SNX25: variants seen among roughly 807,000 people sequenced by gnomAD.
The protein encoded by SNX25 is sorting nexin 25.
SNX25 carries 62 observed loss-of-function variants against 113.7 expected under a neutral mutation model. The ratio of observed to expected loss-of-function variants is 0.55; its 90% CI spans 0.44 to 0.67. SNX25 has a LOEUF of 0.67. SNX25 is among the 30% of genes least tolerant of loss of function. SNX25 has a pLI of 0.00. For synonymous variants in SNX25, 421 were observed against 436.2 expected, an observed-to-expected ratio of 0.97 and a Z score of 0.43; for missense variants, 1,014 against 1,161.0, an observed-to-expected ratio of 0.87 and a Z score of 1.84.
At chr4:185,234,239 A>G (rs574318360) in intron 1 of SNX25, among the ~76,000 whole-genome samples, 4 of 152,228 alleles carry the variant, frequency 2.6e-5, no homozygotes, top group African/African-American at 7.2e-5. Context: ...GTTAATACTT[A>G]TTTTTCTTTT....
downstream of SNX25, chr4:185,374,403 T>C (rs1030211514): frequency 2.5e-6 from 4 of 1,614,054 alleles, no homozygotes; most frequent in Non-Finnish European, 3.4e-6. Flanking sequence ...AAATTTTAAG[T>C]GTCTTGCTTT....
downstream of SNX25, among the ~76,000 whole-genome samples, chr4:185,374,941 T>C (rs1474015413): frequency 6.6e-6 from 1 of 152,076 alleles, no homozygotes; most frequent in Non-Finnish European, 1.5e-5. Flanking sequence ...TTGTATCTAA[T>C]ATACAAATCT....
chr4:185,241,279 C>T (rs557621088), intron 1 of SNX25, among the ~76,000 whole-genome samples: 104 of 152,260 alleles, frequency 6.8e-4, no homozygotes, highest in African/African-American at 2.5e-3. Context: ...AGCTGGAGAC[C>T]AGCCCGGCCA....
chr4:185,239,956 G>T (rs1394181881), intron 1 of SNX25, among the ~76,000 whole-genome samples: 16 of 149,844 alleles, frequency 1.1e-4, no homozygotes, highest in Non-Finnish European at 1.9e-4. Flanking sequence ...AGATTAGGGA[G>T]TGGTGATGAC....
intron 4 of SNX25, among the ~76,000 whole-genome samples, chr4:185,265,561 C>T (rs1747948138): frequency 8.0e-6 from 1 of 124,416 alleles, no homozygotes; most frequent in African/African-American, 2.8e-5. Flanking sequence ...AGGCCTAGGA[C>T]ATGACTGTGC....
At chr4:185,238,771 C>G (rs3112913) in intron 1 of SNX25, among the ~76,000 whole-genome samples, 32,916 of 152,068 alleles carry the variant, frequency 0.22, 4,166 homozygotes, top group African/African-American at 0.35. Flanking sequence ...CAAAATAGCA[C>G]CAAAAATACA....
At chr4:185,278,377 T>G (rs1750058139) in intron 5 of SNX25, among the ~76,000 whole-genome samples, 1 of 152,262 alleles carries the variant, frequency 6.6e-6, no homozygotes, top group African/African-American at 2.4e-5. Context: ...TTGCTTTGCT[T>G]TTTGAAGCTG....
In SNX25 at chr4:185,329,591, G is replaced by A. The variant is rs372817054; in HGVS notation, c.1750-3004G>A. ...AAAGCCTGGGGAAGGCAGATTTTAC[G>A]AATCGGCTGGATTAGTGTCCGATGT... On this transcript the variant is annotated intron_variant, in intron 9 of 18. Transcript: ENST00000652585. Among the ~76,000 whole-genome samples, 8 of 152,256 alleles carry A rather than the reference G, an allele frequency of 5.3e-5. No homozygotes were observed. In the East Asian group the frequency reaches 5.8e-4, roughly 11 times the overall value.
At position 185,329,231 on chromosome 4, in the gene SNX25, T is replaced by C. The variant is rs375812237; in HGVS notation, c.1750-3364T>C. On this transcript the variant is annotated intron_variant, in intron 9 of 18. Coordinates refer to ENST00000652585, the MANE Select transcript of SNX25 (RefSeq NM_001378034.2). ...ATCGGTTGTCATTATCTAATTTATA[T>C]TGGGGCCAGGCTGTGTTGCAATGAA... 6.6e-5 allele frequency among the ~76,000 whole-genome samples: 10 copies of C among 152,298 alleles called. No homozygotes were observed. In the South Asian group the frequency reaches 1.0e-3, roughly 16 times the overall value.
At position 185,351,529 on chromosome 4, in the gene SNX25, G is replaced by A. The variant is rs750165217; in HGVS notation, c.2386G>A (p.Asp796Asn). ...SPSPDYLKVIDVQGKKNSFSL... is the reference protein window; with the variant it reads ...SPSPDYLKVINVQGKKNSFSL... The stretch of plus-strand genomic sequence containing the variant: ...TTCTCCTGACTACCTCAAGGTTATC[G>A]ACGTGCAGGGGAAAAAAAATTCTTT... Residue 796 changes from aspartate to asparagine, a missense_variant, in exon 14 of 19, where the codon GAC (aspartate) becomes AAC (asparagine). Physicochemically the swap from Asp to Asn is conservative, Grantham distance 23 (BLOSUM62 1). Transcript: ENST00000652585. The A allele has an allele frequency of 3.7e-6, 6 of 1,614,092 alleles. No individual in the cohort carries two copies. Among genetic ancestry groups the A allele is most frequent in the Admixed American group, 3.3e-5 (2 of 60,004 alleles).
chr4:185,254,326 G>C (rs921276947), intron 2 of SNX25, among the ~76,000 whole-genome samples: 12 of 152,026 alleles, frequency 7.9e-5, no homozygotes. Context: ...ATGAACAATA[G>C]AATTGTTGCT....
intron 1 of SNX25, among the ~76,000 whole-genome samples, chr4:185,216,513 G>GTTTT (rs34410263): frequency 1.9e-4 from 18 of 96,736 alleles, no homozygotes; most frequent in African/African-American, 5.9e-4. Flanking sequence ...TGTGTATTTG[G>GTTTT]TTTTTTTTTT....
At position 185,296,456 on chromosome 4, in the gene SNX25, A is replaced by G. The variant is rs118036279; in HGVS notation, c.1162+8374A>G. On this transcript the variant is annotated intron_variant, in intron 6 of 18. Transcript: ENST00000652585. ...ATTAGTTTGTCTTAGAGAGAGAAAC[A>G]TTACTCTCCTTAACAAGGTGGAAAT... Among the ~76,000 whole-genome samples the G allele has an allele frequency of 3.0e-3, 464 of 152,284 alleles. 25 individuals are homozygous for G. The East Asian group carries it at 0.077, about 25-fold the overall frequency.
At chr4:185,282,139 AC>A (rs1395496540) in intron 5 of SNX25, among the ~76,000 whole-genome samples, 16 of 152,138 alleles carry the variant, frequency 1.1e-4, no homozygotes, top group Non-Finnish European at 1.9e-4. Context: ...CACATCGCAT[AC>A]CTGAGACTAA....
chr4:185,336,855 T>C (rs1209151500), intron 10 of SNX25, among the ~76,000 whole-genome samples: 1 of 152,198 alleles, frequency 6.6e-6, no homozygotes, highest in African/African-American at 2.4e-5. Flanking sequence ...ATGGCCATTC[T>C]TGCAGGAGTA....
intron 1 of SNX25, among the ~76,000 whole-genome samples, chr4:185,211,244 A>T (rs1737739664): frequency 6.6e-6 from 1 of 152,192 alleles, no homozygotes; most frequent in African/African-American, 2.4e-5. Flanking sequence ...TGAGTGTGTT[A>T]GTTCAGAATG....
At chr4:185,345,384 T>C (rs1054073982) in intron 12 of SNX25, among the ~76,000 whole-genome samples, 1 of 152,314 alleles carries the variant, frequency 6.6e-6, no homozygotes, top group Non-Finnish European at 1.5e-5. Context: ...AAATAACACA[T>C]GCTATGCTTC....
chr4:185,368,030 T>G (rs2095396610), downstream of SNX25, among the ~76,000 whole-genome samples: 1 of 151,818 alleles, frequency 6.6e-6, no homozygotes, highest in Non-Finnish European at 1.5e-5. Flanking sequence ...ATACAAAAAT[T>G]AGCCAGGCGT....
At chr4:185,240,744 G>A (rs887699175) in intron 1 of SNX25, among the ~76,000 whole-genome samples, 6 of 151,424 alleles carry the variant, frequency 4.0e-5, no homozygotes, top group Admixed American at 2.0e-4. Context: ...GGGCGGAGAC[G>A]CTCCTCACTT....
Sources: gnomAD v4.1 joint callset for allele counts (sites outside exome capture counted in the v4.1 genomes callset) on GRCh38, gnomAD v4.1.1 for gene constraint, MANE v1.5 for transcripts, NCBI Gene and HGNC (gene_info 2026-07-23, HGNC 2026-07-21) for gene names.